The following NXPE2 variants were observed in gnomAD, a reference collection of about 807,000 sequenced individuals.
The protein encoded by NXPE2 is neurexophilin and PC-esterase domain family member 2, also known as NXPE family member 2.
In NXPE2, 34 loss-of-function variants were observed where a neutral mutation model predicts 34.4. The ratio of observed to expected loss-of-function variants is 0.99; its 90% CI spans 0.75 to 1.31. NXPE2 has a LOEUF of 1.31. Among genes scored for constraint, NXPE2 ranks in the 40% most tolerant of loss-of-function variants. The pLI, the probability that NXPE2 is intolerant of heterozygous loss-of-function variation, is 0.00. For missense variants in NXPE2, 649 were observed against 672.5 expected (o/e 0.97, Z 0.39); for synonymous variants, 235 against 231.3 (o/e 1.02, Z -0.15).
the NXPE2 span, among the ~76,000 whole-genome samples, chr11:114,619,806 T>C: frequency 6.6e-6 from 1 of 152,108 alleles, no homozygotes; most frequent in South Asian, 2.1e-4. Flanking sequence ...GAGTAACCAC[T>C]GTTACCCAGT....
At chr11:114,530,146 T>G in the NXPE2 span, 29 of 1,557,528 alleles carry the variant, frequency 1.9e-5, no homozygotes, top group Non-Finnish European at 2.3e-5. Flanking sequence ...CAGGGGACAC[T>G]TCTCAGTATA....
the NXPE2 span, among the ~76,000 whole-genome samples, chr11:114,724,963 TAG>T: frequency 4.0e-5 from 6 of 148,948 alleles, no homozygotes; most frequent in East Asian, 1.2e-3. Context: ...AGGCTTTAGG[TAG>T]AGTCTGGAAT....
the NXPE2 span, among the ~76,000 whole-genome samples, chr11:114,486,687 T>C: frequency 6.6e-6 from 1 of 152,036 alleles, no homozygotes; most frequent in African/African-American, 2.4e-5. Context: ...TGGTGAGAGA[T>C]AGGGGTTGTT....
chr11:114,688,283 TTTTA>T (rs1473750487), intron 2 of NXPE2, among the ~76,000 whole-genome samples: 3 of 152,146 alleles, frequency 2.0e-5, no homozygotes, highest in Non-Finnish European at 4.4e-5. Flanking sequence ...GTTGAAGGTT[TTTTA>T]TCATAAAGGG....
At chr11:114,719,916 G>A in the NXPE2 span, among the ~76,000 whole-genome samples, 1 of 152,148 alleles carries the variant, frequency 6.6e-6, no homozygotes, top group African/African-American at 2.4e-5. Flanking sequence ...TTATCATGCT[G>A]TCGTGCTTCT....
At chr11:114,808,777 G>C in the NXPE2 span, among the ~76,000 whole-genome samples, 3 of 152,054 alleles carry the variant, frequency 2.0e-5, no homozygotes, top group Non-Finnish European at 4.4e-5. Flanking sequence ...AAGAGGAGCT[G>C]ATACCATTCC....
the NXPE2 span, among the ~76,000 whole-genome samples, chr11:114,774,773 C>T: frequency 6.6e-6 from 1 of 152,126 alleles, no homozygotes; most frequent in Non-Finnish European, 1.5e-5. Context: ...CGAGCTCCTG[C>T]AAGGCGTGGA....
chr11:114,632,609 A>ATTTT, the NXPE2 span, among the ~76,000 whole-genome samples: 8 of 103,534 alleles, frequency 7.7e-5, no homozygotes, highest in Non-Finnish European at 1.7e-5. Context: ...ATATATTTAT[A>ATTTT]TTTTATATAT....
the NXPE2 span, among the ~76,000 whole-genome samples, chr11:114,598,929 A>G: frequency 5.3e-5 from 8 of 152,138 alleles, no homozygotes; most frequent in African/African-American, 1.9e-4. Context: ...GCTCCTTTTT[A>G]CTTATGCAAA....
the NXPE2 span, among the ~76,000 whole-genome samples, chr11:114,475,056 G>T: frequency 6.6e-6 from 1 of 151,786 alleles, no homozygotes; most frequent in Non-Finnish European, 1.5e-5. Flanking sequence ...TTAAAATATT[G>T]CATTTTATTC....
At chr11:114,720,425 C>T in the NXPE2 span, among the ~76,000 whole-genome samples, 1 of 152,346 alleles carries the variant, frequency 6.6e-6, no homozygotes, top group Non-Finnish European at 1.5e-5. Context: ...TAACAACAAA[C>T]ATTTTGCTGT....
the NXPE2 span, among the ~76,000 whole-genome samples, chr11:114,548,782 AAGGT>A: frequency 2.6e-5 from 4 of 151,936 alleles, no homozygotes; most frequent in African/African-American, 9.7e-5. Context: ...AAGAAAGAAA[AAGGT>A]AGGAATTGAT....
At chr11:114,504,382 C>T in the NXPE2 span, among the ~76,000 whole-genome samples, 4 of 152,164 alleles carry the variant, frequency 2.6e-5, no homozygotes, top group African/African-American at 9.7e-5. Flanking sequence ...AAGCCAATGC[C>T]ACCTCCAGTG....
At position 114,706,427 on chromosome 11, in the gene NXPE2, A is replaced by G; in HGVS notation, c.1177A>G (p.Ile393Val). The G allele has an allele frequency of 6.5e-7, 1 of 1,548,790 alleles. No homozygotes were observed. The highest frequency in any genetic ancestry group is 8.7e-7 in the Non-Finnish European group (1 of 1,145,516). Reference sequence around the variant, plus strand: ...ATATTTTGATCATCATGGAGCTGGGATCTTTAAAACACATGTTCTTCTGGA... The same window carrying G: ...ATATTTTGATCATCATGGAGCTGGGGTCTTTAAAACACATGTTCTTCTGGA... ...LKYFDHHGAG[I>V]FKTHVLLDVE... The change falls in exon 6 of 6, where the codon ATC becomes GTC. Residue 393 changes from isoleucine (I) to valine (V), a missense_variant. Transcript: ENST00000389586.
chr11:114,787,957 C>T, the NXPE2 span, among the ~76,000 whole-genome samples: 3 of 152,142 alleles, frequency 2.0e-5, no homozygotes, highest in Admixed American at 1.3e-4. Context: ...CCTGTCACCC[C>T]CTGGAGGATC....
the NXPE2 span, among the ~76,000 whole-genome samples, chr11:114,717,446 A>G: frequency 6.6e-6 from 1 of 152,210 alleles, no homozygotes; most frequent in South Asian, 2.1e-4. Context: ...AGTCGTCTCC[A>G]GCACACCATA....
At chr11:114,717,388 G>A in the NXPE2 span, among the ~76,000 whole-genome samples, 2 of 152,244 alleles carry the variant, frequency 1.3e-5, no homozygotes, top group African/African-American at 4.8e-5. Flanking sequence ...GTCCCTGAAC[G>A]TGGAAATGGG....
chr11:114,640,775 G>A, the NXPE2 span, among the ~76,000 whole-genome samples: 1 of 151,892 alleles, frequency 6.6e-6, no homozygotes, highest in Non-Finnish European at 1.5e-5. Context: ...GTGTGTCCAT[G>A]TAATTTACTC....
the NXPE2 span, among the ~76,000 whole-genome samples, chr11:114,499,017 T>C: frequency 7.2e-5 from 11 of 152,144 alleles, no homozygotes; most frequent in African/African-American, 2.7e-4. Context: ...CTGGATATGA[T>C]ACAGCTTTTG....
Sources: gnomAD v4.1 joint callset for allele counts (sites outside exome capture counted in the v4.1 genomes callset) on GRCh38, gnomAD v4.1.1 for gene constraint, MANE v1.5 for transcripts, NCBI Gene and HGNC (gene_info 2026-07-23, HGNC 2026-07-21) for gene names.